PPEF2: variants seen among roughly 807,000 people sequenced by gnomAD.
The protein encoded by PPEF2 is protein phosphatase with EF-hand domain 2, also known as serine/threonine-protein phosphatase with EF-hands 2.
A neutral mutation model predicts 84.7 loss-of-function variants in PPEF2; 84 were observed. The ratio of observed to expected loss-of-function variants is 0.99; its 90% confidence interval spans 0.83 to 1.19. The LOEUF is 1.19. Among genes scored for constraint, PPEF2 ranks in the 50% most tolerant of loss-of-function variants. The pLI is 0.00. For missense variants in PPEF2, 924 were observed against 937.5 expected (o/e 0.99, Z 0.19); for synonymous variants, 346 against 345.2 (o/e 1.00, Z -0.03).
At position 75,896,330 on chromosome 4, in the gene PPEF2, T is replaced by G. The variant is rs565804229; in HGVS notation, c.-5A>C. 6.2e-7 allele frequency: 1 copy of G among 1,614,040 alleles called. No homozygotes were observed. Among genetic ancestry groups the G allele is most frequent in the Non-Finnish European group, 8.5e-7 (1 of 1,180,020 alleles). Reference sequence around the variant, plus strand: ...GGTGGAGGTGCCGCTTCCCATAGTTTAAGCGCAATGCTCCTGCAGGACGCA... The same window carrying G: ...GGTGGAGGTGCCGCTTCCCATAGTTGAAGCGCAATGCTCCTGCAGGACGCA... On this transcript the variant is annotated 5_prime_UTR_variant, in exon 2 of 17. Coordinates refer to ENST00000286719, the MANE Select transcript of PPEF2 (RefSeq NM_006239.3).
chr4:75,896,442 G>A (rs1376420578), intron 1 of PPEF2, 59 bp from the exon 2 acceptor site: 2 of 1,082,256 alleles, frequency 1.8e-6, no homozygotes, highest in Non-Finnish European at 2.8e-6. Flanking sequence ...TAAATCGGGT[G>A]GGCCAAATTG....
chr4:75,888,422 C>T, intron 5 of PPEF2, 94 bp from the exon 6 acceptor site: 1 of 862,508 alleles, frequency 1.2e-6, no homozygotes, highest in Admixed American at 2.1e-5. Flanking sequence ...CCCCCATCAC[C>T]TAAGACCCCA....
chr4:75,887,620 CAAAAA>C (rs34334071), intron 6 of PPEF2, among the ~76,000 whole-genome samples: 3 of 123,630 alleles, frequency 2.4e-5, no homozygotes, highest in Non-Finnish European at 1.7e-5. Context: ...GACTGTGTCT[CAAAAA>C]AAAAAAAAAA....
intron 1 of PPEF2, among the ~76,000 whole-genome samples, chr4:75,897,990 A>G (rs1490767992): frequency 2.6e-5 from 4 of 152,226 alleles, no homozygotes. Flanking sequence ...CAAGCCAGTC[A>G]TTAGCATTGT....
intron 11 of PPEF2, among the ~76,000 whole-genome samples, chr4:75,873,927 G>A (rs994013243): frequency 6.6e-5 from 10 of 151,712 alleles, no homozygotes; most frequent in African/African-American, 2.4e-4. Flanking sequence ...GTCAACATGT[G>A]AAATCCCGTC....
intron 2 of PPEF2, among the ~76,000 whole-genome samples, chr4:75,895,996 T>A (rs1400136231): frequency 6.6e-6 from 1 of 152,168 alleles, no homozygotes; most frequent in Non-Finnish European, 1.5e-5. Flanking sequence ...CATCCCCTCT[T>A]TGCCCAACCT....
At chr4:75,890,266 G>C in intron 4 of PPEF2, 134 bp from the exon 5 acceptor site, 1 of 932,364 alleles carries the variant, frequency 1.1e-6, no homozygotes, top group Non-Finnish European at 1.6e-6. Context: ...AGGGAGGATT[G>C]CTTGAGCCCA....
intron 16 of PPEF2, among the ~76,000 whole-genome samples, chr4:75,863,954 C>A (rs769159789): frequency 2.0e-5 from 3 of 151,508 alleles, no homozygotes; most frequent in Non-Finnish European, 2.9e-5. Flanking sequence ...CTCACTGCAA[C>A]CTCCGCCTCC....
chr4:75,866,101 A>T, intron 15 of PPEF2, 88 bp downstream of exon 15: 1 of 1,379,916 alleles, frequency 7.2e-7, no homozygotes, highest in Admixed American at 2.3e-5. Flanking sequence ...TTTTTGGGTT[A>T]TTACTAGTTG....
chr4:75,896,438 G>A, intron 1 of PPEF2, 55 bp from the exon 2 acceptor site: 2 of 1,162,990 alleles, frequency 1.7e-6, no homozygotes, highest in Non-Finnish European at 2.6e-6. Flanking sequence ...GTATTAAATC[G>A]GGTGGGCCAA....
intron 10 of PPEF2, among the ~76,000 whole-genome samples, chr4:75,880,381 A>T (rs534950055): frequency 9.2e-5 from 14 of 152,190 alleles, no homozygotes; most frequent in African/African-American, 3.4e-4. Context: ...TGGAGCCCAT[A>T]CCTCTCTGTA....
chr4:75,860,370 A>G lies in PPEF2; in HGVS notation c.*297T>C. 1 of 370,770 alleles carries G rather than the reference A, an allele frequency of 2.7e-6. No individual in the cohort carries two copies. Among genetic ancestry groups the G allele is most frequent in the Non-Finnish European group, 4.9e-6 (1 of 204,182 alleles). 23.0% of individuals were successfully genotyped at this position (370,770 alleles called of 1,614,324 possible). The stretch of plus-strand genomic sequence containing the variant: ...AAAAACGTATAAAATGAAAACAATG[A>G]GAGAGTTACATTGTCAGTGGTTCTT... On this transcript the variant is annotated 3_prime_UTR_variant, in exon 17 of 17. Coordinates refer to ENST00000286719, the MANE Select transcript of PPEF2 (RefSeq NM_006239.3).
intron 15 of PPEF2, among the ~76,000 whole-genome samples, chr4:75,864,970 C>A (rs994597241): frequency 1.3e-5 from 2 of 152,140 alleles, no homozygotes; most frequent in African/African-American, 4.8e-5. Flanking sequence ...GAGTTTCACT[C>A]TTGTTGTCCA....
chr4:75,895,710 C>A (rs946403337), intron 2 of PPEF2, among the ~76,000 whole-genome samples: 1 of 151,274 alleles, frequency 6.6e-6, no homozygotes, highest in African/African-American at 2.4e-5. Flanking sequence ...CCAGCCTGGG[C>A]GACAGAGCAA....
At chr4:75,898,708 C>T (rs1455888500) in intron 1 of PPEF2, among the ~76,000 whole-genome samples, 1 of 152,160 alleles carries the variant, frequency 6.6e-6, no homozygotes, top group East Asian at 1.9e-4. Flanking sequence ...ACTGAATAAA[C>T]TTTATGCCTT....
chr4:75,890,220 G>T (rs1445111984), intron 4 of PPEF2, 88 bp from the exon 5 acceptor site: 1 of 1,447,332 alleles, frequency 6.9e-7, no homozygotes, highest in Admixed American at 1.8e-5. Context: ...GCTGGGCACG[G>T]TGGCTCTCTA....
intron 10 of PPEF2, among the ~76,000 whole-genome samples, chr4:75,878,862 T>C (rs1406064537): frequency 6.6e-6 from 1 of 152,146 alleles, no homozygotes; most frequent in Non-Finnish European, 1.5e-5. Flanking sequence ...CACCAAAACC[T>C]CTGCTTTATA....
chr4:75,884,827 A>G (rs1724683915), intron 7 of PPEF2, 67 bp from the exon 8 acceptor site: 1 of 1,321,828 alleles, frequency 7.6e-7, no homozygotes, highest in Non-Finnish European at 1.0e-6. Context: ...GGTTAAAACC[A>G]ATAGGCATTT....
At chr4:75,884,156 C>T (rs1433218646) in intron 8 of PPEF2, among the ~76,000 whole-genome samples, 4 of 151,542 alleles carry the variant, frequency 2.6e-5, no homozygotes, top group Non-Finnish European at 4.4e-5. Context: ...TGGCTGTGTG[C>T]GGTGGCTCAC....
Sources: gnomAD v4.1 joint callset for allele counts (sites outside exome capture counted in the v4.1 genomes callset) on GRCh38, gnomAD v4.1.1 for gene constraint, MANE v1.5 for transcripts, NCBI Gene and HGNC (gene_info 2026-07-23, HGNC 2026-07-21) for gene names.